The following ABTB3 variants were observed in gnomAD, a reference collection of about 807,000 sequenced individuals.
ABTB3 encodes the protein ankyrin repeat- and BTB/POZ domain-containing protein 3.
At chr12:107,538,065 C>A in the ABTB3 span, among the ~76,000 whole-genome samples, 2 of 147,066 alleles carry the variant, frequency 1.4e-5, no homozygotes, top group African/African-American at 5.0e-5. Context: ...CTCTTCCCCA[C>A]TCTATGCCCA....
chr12:107,581,846 G>A, the ABTB3 span, among the ~76,000 whole-genome samples: 1 of 152,168 alleles, frequency 6.6e-6, no homozygotes, highest in African/African-American at 2.4e-5. Context: ...AGAAATAAAA[G>A]AACTCACTCA....
At chr12:107,347,544 T>C in the ABTB3 span, among the ~76,000 whole-genome samples, 1 of 152,248 alleles carries the variant, frequency 6.6e-6, no homozygotes, top group Non-Finnish European at 1.5e-5. Context: ...CTTTCTACAT[T>C]GCGTCTTGTC....
the ABTB3 span, among the ~76,000 whole-genome samples, chr12:107,399,908 A>G: frequency 2.6e-5 from 4 of 151,670 alleles, no homozygotes; most frequent in Admixed American, 1.3e-4. Flanking sequence ...TCATTGTTCA[A>G]CTCTCACTTA....
At chr12:107,346,032 A>G in the ABTB3 span, among the ~76,000 whole-genome samples, 1 of 152,226 alleles carries the variant, frequency 6.6e-6, no homozygotes, top group Non-Finnish European at 1.5e-5. Context: ...GGATTTGTCC[A>G]AGGTCTCTTT....
chr12:107,451,566 C>A, the ABTB3 span, among the ~76,000 whole-genome samples: 5 of 152,214 alleles, frequency 3.3e-5, no homozygotes, highest in Admixed American at 6.5e-5. Context: ...TTCCCACTGA[C>A]CTCGCGGTAA....
chr12:107,402,796 G>A, the ABTB3 span, among the ~76,000 whole-genome samples: 2 of 152,188 alleles, frequency 1.3e-5, no homozygotes, highest in African/African-American at 4.8e-5. Context: ...TGCCCCTTCT[G>A]CTACCTCCTA....
the ABTB3 span, among the ~76,000 whole-genome samples, chr12:107,483,338 C>T: frequency 6.6e-6 from 1 of 152,178 alleles, no homozygotes; most frequent in African/African-American, 2.4e-5. Flanking sequence ...GCCACCGTGC[C>T]CAGCCCCTTG....
the ABTB3 span, among the ~76,000 whole-genome samples, chr12:107,348,626 G>C: frequency 6.6e-6 from 1 of 152,208 alleles, no homozygotes; most frequent in Non-Finnish European, 1.5e-5. Flanking sequence ...TCGAGAGGCT[G>C]AGGTGGGAAG....
chr12:107,422,994 T>C, the ABTB3 span, among the ~76,000 whole-genome samples: 1 of 152,208 alleles, frequency 6.6e-6, no homozygotes, highest in African/African-American at 2.4e-5. Flanking sequence ...GAACTGATGG[T>C]TCATCTACCT....
the ABTB3 span, among the ~76,000 whole-genome samples, chr12:107,513,091 T>C: frequency 6.6e-6 from 1 of 152,298 alleles, no homozygotes; most frequent in East Asian, 1.9e-4. Flanking sequence ...GCTGAGAGGA[T>C]TAAAATAAAT....
the ABTB3 span, among the ~76,000 whole-genome samples, chr12:107,456,195 C>A: frequency 6.6e-6 from 1 of 152,066 alleles, no homozygotes. Flanking sequence ...CTGTTTTATC[C>A]CCATTTCACA....
At chr12:107,541,237 A>T in the ABTB3 span, among the ~76,000 whole-genome samples, 1 of 152,202 alleles carries the variant, frequency 6.6e-6, no homozygotes. Flanking sequence ...ACTTTGCCTC[A>T]CTTACTCGAA....
the ABTB3 span, among the ~76,000 whole-genome samples, chr12:107,544,914 G>A: frequency 6.6e-6 from 1 of 152,234 alleles, no homozygotes; most frequent in South Asian, 2.1e-4. Flanking sequence ...GATACAAAGA[G>A]TAAATTCTAC....
the ABTB3 span, among the ~76,000 whole-genome samples, chr12:107,347,080 C>G: frequency 6.6e-6 from 1 of 152,156 alleles, no homozygotes. Flanking sequence ...TTCTGCAAAT[C>G]TCCATATAAA....
At chr12:107,511,786 A>G in the ABTB3 span, among the ~76,000 whole-genome samples, 1 of 152,164 alleles carries the variant, frequency 6.6e-6, no homozygotes, top group African/African-American at 2.4e-5. Flanking sequence ...CCATTTTTGC[A>G]GTCAATCTAC....
the ABTB3 span, among the ~76,000 whole-genome samples, chr12:107,404,179 A>AAG: frequency 1.0e-3 from 149 of 142,616 alleles, 5 homozygotes; most frequent in African/African-American, 4.0e-3. Context: ...AAAAAAAAAA[A>AAG]AAAAAAAAGG....
chr12:107,605,968 T>C, the ABTB3 span, among the ~76,000 whole-genome samples: 2 of 152,054 alleles, frequency 1.3e-5, no homozygotes, highest in Non-Finnish European at 2.9e-5. Flanking sequence ...AGGGACAAGT[T>C]TAGAGGGAGG....
At chr12:107,656,659 TC>T in the ABTB3 span, among the ~76,000 whole-genome samples, 2 of 152,220 alleles carry the variant, frequency 1.3e-5, no homozygotes, top group African/African-American at 4.8e-5. Context: ...ATAAATACTA[TC>T]AAATATTATC....
chr12:107,485,301 T>C, the ABTB3 span, among the ~76,000 whole-genome samples: 1 of 152,148 alleles, frequency 6.6e-6, no homozygotes, highest in African/African-American at 2.4e-5. Flanking sequence ...GTGAAAGTTG[T>C]CATTGTCCTC....
Sources: allele counts gnomAD v4.1 joint callset (sites outside exome capture counted in the v4.1 genomes callset), GRCh38; gene constraint gnomAD v4.1.1; transcripts MANE v1.5; gene names NCBI Gene and HGNC (gene_info 2026-07-23, HGNC 2026-07-21).